Variants in ROBO2 observed in about 807,000 individuals in gnomAD.
The protein encoded by ROBO2 is roundabout guidance receptor 2.
In ROBO2, 53 loss-of-function variants were observed where a neutral mutation model predicts 160.8. The observed-to-expected ratio is 0.33, with a 90% CI of 0.26 to 0.41. ROBO2 has a LOEUF of 0.41. Ranked by LOEUF, ROBO2 falls within the 10% of genes least tolerant of loss-of-function variation. ROBO2 has a pLI of 1.00. For missense variants in ROBO2, 1,577 were observed against 1,722.4 expected (o/e 0.92, Z 1.49); for synonymous variants, 664 against 611.7 (o/e 1.09, Z -1.26).
chr3:76,236,034 A>T (rs1704923916), intron 2 of ROBO2, among the ~76,000 whole-genome samples: 1 of 152,102 alleles, frequency 6.6e-6, no homozygotes, highest in African/African-American at 2.4e-5. Flanking sequence ...CATATAGTTA[A>T]TTTTCTGCCT....
chr3:76,998,400 A>C (rs767086327), intron 2 of ROBO2, among the ~76,000 whole-genome samples: 2 of 152,200 alleles, frequency 1.3e-5, no homozygotes, highest in Non-Finnish European at 2.9e-5. Flanking sequence ...AATATGGACC[A>C]AAAATTTAAA....
intron 2 of ROBO2, among the ~76,000 whole-genome samples, chr3:77,433,919 G>C (rs2079039216): frequency 1.3e-5 from 2 of 151,878 alleles, no homozygotes; most frequent in African/African-American, 4.8e-5. Flanking sequence ...AAATATAATT[G>C]GGAATCCATC....
intron 2 of ROBO2, among the ~76,000 whole-genome samples, chr3:76,814,204 C>T (rs1370599426): frequency 6.6e-6 from 1 of 152,110 alleles, no homozygotes; most frequent in Non-Finnish European, 1.5e-5. Context: ...AATAGACTGA[C>T]TGTTTCAACT....
intron 21 of ROBO2, among the ~76,000 whole-genome samples, chr3:77,612,330 G>C (rs1244438227): frequency 6.6e-6 from 1 of 152,192 alleles, no homozygotes; most frequent in Non-Finnish European, 1.5e-5. Flanking sequence ...AGAGTCATCT[G>C]TTACTTTCTC....
At chr3:75,931,207 G>A (rs989848579) in intron 1 of ROBO2, among the ~76,000 whole-genome samples, 1 of 152,076 alleles carries the variant, frequency 6.6e-6, no homozygotes, top group Non-Finnish European at 1.5e-5. Context: ...ATATATTAGG[G>A]TCCTTGAACA....
chr3:77,296,266 G>A (rs183102765), intron 2 of ROBO2, among the ~76,000 whole-genome samples: 1 of 151,892 alleles, frequency 6.6e-6, no homozygotes, highest in East Asian at 2.0e-4. Flanking sequence ...ATGGTTAAAC[G>A]GGTAAGCTGA....
chr3:77,400,018 G>A (rs974180199), intron 2 of ROBO2, among the ~76,000 whole-genome samples: 11 of 152,060 alleles, frequency 7.2e-5, no homozygotes, highest in Non-Finnish European at 1.6e-4. Flanking sequence ...ATAGGAAAAG[G>A]GTTTGTGTGG....
intron 2 of ROBO2, among the ~76,000 whole-genome samples, chr3:77,222,931 G>T (rs950765856): frequency 6.6e-6 from 1 of 152,116 alleles, no homozygotes; most frequent in Non-Finnish European, 1.5e-5. Flanking sequence ...CTTTAAATAT[G>T]CATGAACTGT....
chr3:77,395,841 G>A (rs1050649620), intron 2 of ROBO2, among the ~76,000 whole-genome samples: 11 of 151,710 alleles, frequency 7.3e-5, no homozygotes, highest in South Asian at 4.1e-4. Flanking sequence ...TTTGCATAGC[G>A]TCTTGTATAC....
intron 2 of ROBO2, among the ~76,000 whole-genome samples, chr3:77,367,379 C>T (rs1347252218): frequency 6.6e-6 from 1 of 151,978 alleles, no homozygotes; most frequent in African/African-American, 2.4e-5. Context: ...GGCATTCCTT[C>T]CACTCTCCCC....
intron 2 of ROBO2, among the ~76,000 whole-genome samples, chr3:77,117,022 A>C (rs1443750253): frequency 6.6e-6 from 1 of 152,182 alleles, no homozygotes; most frequent in Non-Finnish European, 1.5e-5. Context: ...AGATTTAATA[A>C]GACAAAAGTT....
intron 2 of ROBO2, among the ~76,000 whole-genome samples, chr3:76,825,889 A>G (rs994058488): frequency 3.3e-5 from 5 of 151,896 alleles, no homozygotes; most frequent in Non-Finnish European, 5.9e-5. Context: ...CAAAAAAAGC[A>G]TTTCTCTTGT....
At chr3:77,195,798 C>T (rs1445811459) in intron 2 of ROBO2, among the ~76,000 whole-genome samples, 3 of 152,158 alleles carry the variant, frequency 2.0e-5, no homozygotes, top group Non-Finnish European at 4.4e-5. Flanking sequence ...GTCAAGTTAC[C>T]TGTCTTTCAG....
chr3:76,977,129 TA>T (rs1260601632), intron 2 of ROBO2, among the ~76,000 whole-genome samples: 1 of 152,166 alleles, frequency 6.6e-6, no homozygotes, highest in Admixed American at 6.5e-5. Flanking sequence ...CATGAATTAA[TA>T]AAAGTTAAAC....
At chr3:76,834,098 C>CTTTCTT (rs2067406737) in intron 2 of ROBO2, among the ~76,000 whole-genome samples, 1 of 121,812 alleles carries the variant, frequency 8.2e-6, no homozygotes, top group Non-Finnish European at 1.7e-5. Flanking sequence ...TTCTTTCTTT[C>CTTTCTT]TTTCTTTCTT....
At chr3:76,521,101 T>G (rs1577854330) in intron 2 of ROBO2, among the ~76,000 whole-genome samples, 1 of 142,214 alleles carries the variant, frequency 7.0e-6, no homozygotes, top group Non-Finnish European at 1.5e-5. Flanking sequence ...CAGGCTGGAG[T>G]GCAGCGGTGT....
rs147726151 is a variant in ROBO2 at position 77,353,987 on chromosome 3, C to T, written c.389-123427C>T. On this transcript the variant is annotated intron_variant, in intron 2 of 25. Coordinates refer to ENST00000461745, the Ensembl canonical transcript of ROBO2. Reference sequence around the variant, plus strand: ...ACCACTGCTCCTTCAACTCCATACCCTGAATTGTTTTTACTGAATTGCACT... The same window carrying T: ...ACCACTGCTCCTTCAACTCCATACCTTGAATTGTTTTTACTGAATTGCACT... 1.4e-3 allele frequency among the ~76,000 whole-genome samples: 209 copies of T among 152,276 alleles called. 1 individual carries two copies. Among genetic ancestry groups the T allele is most frequent in the African/African-American group, 4.9e-3 (203 of 41,558 alleles).
chr3:77,036,648 C>G (rs980061278), upstream of ROBO2, among the ~76,000 whole-genome samples: 2 of 151,886 alleles, frequency 1.3e-5, no homozygotes, highest in African/African-American at 4.8e-5. Context: ...TATATAATAC[C>G]TTTCCAGGTT....
chr3:76,171,975 C>G (rs1000335068), intron 2 of ROBO2, among the ~76,000 whole-genome samples: 23 of 152,074 alleles, frequency 1.5e-4, no homozygotes, highest in African/African-American at 5.5e-4. Flanking sequence ...AAAGAACATA[C>G]CCAAGTCTTC....
Sources: allele counts gnomAD v4.1 joint callset (sites outside exome capture counted in the v4.1 genomes callset), GRCh38; gene constraint gnomAD v4.1.1; transcripts MANE v1.5; gene names NCBI Gene and HGNC (gene_info 2026-07-23, HGNC 2026-07-21).